Variants in FNDC5 observed in about 807,000 individuals in gnomAD.
FNDC5 encodes the protein fibronectin type III domain-containing protein 5.
In FNDC5, 10 loss-of-function variants were observed where a neutral mutation model predicts 24.6. The ratio of observed to expected loss-of-function variants is 0.41; its 90% confidence interval spans 0.25 to 0.69. The LOEUF is 0.69. FNDC5 is among the 30% of genes least tolerant of loss of function. The probability of loss-of-function intolerance (pLI) is 0.34; values close to 1 mark genes in which losing one functional copy is unlikely to be tolerated. For missense variants in FNDC5, 226 were observed against 282.9 expected (o/e 0.80, Z 1.44); for synonymous variants, 90 against 110.7 (o/e 0.81, Z 1.18).
rs1272387125 is a variant in FNDC5, at chr1:32,863,166, C to T, written c.*1128G>A. The stretch of plus-strand genomic sequence containing the variant: ...GGTCAAAGAAGATAGAGGATGCAGG[C>T]AACCAGCTCAGTCTTCGGGGGAATT... On this transcript the variant is annotated 3_prime_UTR_variant, in exon 6 of 6. Transcript: ENST00000373471. The T allele has an allele frequency of 1.3e-5, 2 of 153,910 alleles. No individual in the cohort carries two copies. Among genetic ancestry groups the T allele is most frequent in the Non-Finnish European group, 2.9e-5 (2 of 69,102 alleles). 9.5% of individuals were successfully genotyped at this position (153,910 alleles called of 1,614,324 possible). A position where few individuals can be genotyped will look rare whatever the true frequency, so the allele number is the denominator to read the frequency against.
chr1:32,868,534 A>C lies in FNDC5; in HGVS notation c.211-146T>G. 1 of 1,015,112 alleles carries C rather than the reference A, an allele frequency of 9.9e-7. No homozygotes were observed. Among genetic ancestry groups the C allele is most frequent in the Non-Finnish European group, 1.4e-6 (1 of 705,832 alleles). 62.9% of individuals were successfully genotyped at this position (1,015,112 alleles called of 1,614,324 possible). On this transcript the variant is annotated intron_variant, in intron 2 of 5. Coordinates refer to ENST00000373471, the MANE Select transcript of FNDC5 (RefSeq NM_153756.3). This position sits in a 1 kb window ranked among gnomAD's most constrained non-coding sequence, Gnocchi z 4.8. ...CAATATCTCCATTTTACAGGGAAGG[A>C]AACAGGTTCAGAGAGGTTGGGGAAG...
At position 32,868,355 on chromosome 1, in the gene FNDC5, C is replaced by G; in HGVS notation, c.244G>C (p.Glu82Gln). 6.2e-7 allele frequency: 1 copy of G among 1,614,174 alleles called. No homozygotes were observed. ...CATGAGCGGGTGGTGGTGTTCACCT[C>G]CTGGATGAAGCGCAGCATCCGCACA... The change falls in exon 3 of 6, where the codon GAG (glutamate) becomes CAG (glutamine). Residue 82 changes from glutamate (E) to glutamine (Q), a missense_variant. Glu to Gln is a conservative substitution (Grantham distance 29, BLOSUM62 2). Coordinates refer to ENST00000373471, the MANE Select transcript of FNDC5 (RefSeq NM_153756.3). The surrounding 1 kb of genome is among the most constrained non-coding windows in gnomAD (Gnocchi z 4.8).
chr1:32,864,454 T>C, intron 5 of FNDC5, 155 bp from the exon 6 acceptor site: 1 of 1,474,892 alleles, frequency 6.8e-7, no homozygotes, highest in Non-Finnish European at 9.0e-7. Flanking sequence ...TTTTTTTTTT[T>C]TCTTCAAATC....
chr1:32,869,438 G>T (rs1746661), intron 1 of FNDC5, among the ~76,000 whole-genome samples: 21,649 of 152,276 alleles, frequency 0.14, 1,925 homozygotes, highest in South Asian at 0.23. Context: ...GTGACCTTGC[G>T]CGAAGGAGAA....
chr1:32,863,719 T>G lies in FNDC5; in HGVS notation c.*575A>C. ...CAGCTGAGAAGAAAAATGGAATCCT[T>G]CTCCCTGCAGACAGGCAGTCACGCT... On this transcript the variant is annotated 3_prime_UTR_variant, in exon 6 of 6. Coordinates refer to ENST00000373471, the MANE Select transcript of FNDC5 (RefSeq NM_153756.3). 5 of 1,304,296 alleles carry G rather than the reference T, an allele frequency of 3.8e-6. No homozygotes were observed. The highest frequency in any genetic ancestry group is 5.1e-6 in the Non-Finnish European group (5 of 988,958). The allele number at this position is 1,304,296 out of a possible 1,614,324, so 80.8% of individuals were successfully genotyped here.
upstream of FNDC5, among the ~76,000 whole-genome samples, chr1:32,871,442 G>A (rs187535684): frequency 1.7e-3 from 260 of 152,336 alleles, no homozygotes; most frequent in African/African-American, 6.1e-3. Context: ...TCACTGGAGA[G>A]TCCAGCTCTG....
intron 1 of FNDC5, among the ~76,000 whole-genome samples, chr1:32,869,595 C>T (rs1641139508): frequency 6.6e-6 from 1 of 152,098 alleles, no homozygotes; most frequent in Non-Finnish European, 1.5e-5. Flanking sequence ...CTCTTCCAGC[C>T]CCAAGATGCA....
chr1:32,867,902 G>A, intron 3 of FNDC5, 60 bp from the exon 4 acceptor site: 1 of 1,534,522 alleles, frequency 6.5e-7, no homozygotes, highest in Non-Finnish European at 9.0e-7. Flanking sequence ...CTCCTCTAGG[G>A]CCAAGCCCAA....
chr1:32,871,038 T>G (rs1486802648), upstream of FNDC5: 1 of 149,032 alleles, frequency 6.7e-6, no homozygotes, highest in Non-Finnish European at 1.5e-5. Context: ...CCGCCCCCGC[T>G]GCCTATTAGG....
Position 32,867,787 on chromosome 1 carries a change from C to T in FNDC5, c.465G>A (p.Val155=), listed in dbSNP as rs1557529115. The T allele has an allele frequency of 1.2e-6, 2 of 1,614,116 alleles. No individual in the cohort carries two copies. Among genetic ancestry groups the T allele is most frequent in the Non-Finnish European group, 1.7e-6 (2 of 1,180,022 alleles). ...TGAACAGGACCACGACGATGATCAG[C>T]ACCTCGCCTGTCCGCAGCTGTTGGT... The change falls in exon 4 of 6, where the codon GTG becomes GTA. Residue 155 remains valine (V), a synonymous_variant. Coordinates refer to ENST00000373471, the MANE Select transcript of FNDC5 (RefSeq NM_153756.3).
rs1641106641 is a variant in FNDC5, at chr1:32,868,052, A to G, written c.409+138T>C. 2 of 1,135,422 alleles carry G rather than the reference A, an allele frequency of 1.8e-6. No individual in the cohort carries two copies. The highest frequency in any genetic ancestry group is 2.6e-6 in the Non-Finnish European group (2 of 778,572). 70.3% of individuals were successfully genotyped at this position (1,135,422 alleles called of 1,614,324 possible). The stretch of plus-strand genomic sequence containing the variant: ...CAGCGTCTTGTCAGGGACTAGCGTG[A>G]ACCCTCTCTCAGGTACTGCTTTACT... On this transcript the variant is annotated intron_variant, in intron 3 of 5. Coordinates refer to ENST00000373471, the MANE Select transcript of FNDC5 (RefSeq NM_153756.3). The surrounding 1 kb of genome is among the most constrained non-coding windows in gnomAD (Gnocchi z 4.8).
In FNDC5 at chr1:32,868,230, C is replaced by T. The variant is rs1413807740; in HGVS notation, c.369G>A (p.Lys123=). Residue 123 remains lysine, a synonymous_variant, in exon 3 of 6, where the codon AAG becomes AAA. Coordinates refer to ENST00000373471, the MANE Select transcript of FNDC5 (RefSeq NM_153756.3). The surrounding 1 kb of genome is among the most constrained non-coding windows in gnomAD (Gnocchi z 4.8). Reference sequence around the variant, plus strand: ...CCATCTTCTCAGCCTCACGCGGGGTCTTGAAGAGCACAGGCTCGCTGGCTG... The same window carrying T: ...CCATCTTCTCAGCCTCACGCGGGGTTTTGAAGAGCACAGGCTCGCTGGCTG... 3.1e-6 allele frequency: 5 copies of T among 1,614,190 alleles called. No homozygotes were observed. Among genetic ancestry groups the T allele is most frequent in the Non-Finnish European group, 4.2e-6 (5 of 1,180,040 alleles).
intron 4 of FNDC5, among the ~76,000 whole-genome samples, chr1:32,867,442 G>A (rs1397835595): frequency 6.6e-6 from 1 of 152,192 alleles, no homozygotes; most frequent in African/African-American, 2.4e-5. Flanking sequence ...AAAGGCTGTG[G>A]CCATGACCAG....
intron 1 of FNDC5, among the ~76,000 whole-genome samples, 184 bp downstream of exon 1, chr1:32,870,469 G>A (rs1006764344): frequency 6.6e-6 from 1 of 151,964 alleles, no homozygotes; most frequent in African/African-American, 2.4e-5. Context: ...GGGGAGATTT[G>A]GAAACTGAAG....
upstream of FNDC5, chr1:32,870,975 C>G (rs1288359337): frequency 6.7e-6 from 1 of 148,772 alleles, no homozygotes; most frequent in East Asian, 2.0e-4. Flanking sequence ...GGGGCGCCCC[C>G]GCTGCGGGGA....
chr1:32,868,909 A>C lies in FNDC5; in HGVS notation c.183T>G (p.Val61=). 1 of 1,238,808 alleles carries C rather than the reference A, an allele frequency of 8.1e-7. No homozygotes were observed. 76.7% of individuals were successfully genotyped at this position (1,238,808 alleles called of 1,614,324 possible). A position where few individuals can be genotyped will look rare whatever the true frequency, so the allele number is the denominator to read the frequency against. ...GCTGGGAGATGGCAAATCCGATGAC[A>C]ACCTCATCCTCCAGAACATCCCAGC... is the stretch of plus-strand genomic sequence containing the variant. Residue 61 remains valine, a synonymous_variant, in exon 2 of 6, where the codon GTT becomes GTG. Coordinates refer to ENST00000373471, the MANE Select transcript of FNDC5 (RefSeq NM_153756.3). This position sits in a 1 kb window ranked among gnomAD's most constrained non-coding sequence, Gnocchi z 4.8.
Position 32,864,111 on chromosome 1 carries a change from TAAG to T in FNDC5, c.*180_*182del. ...AGGTGCTTCTGGAGATGGGAGTTAA[TAAG>T]AGGCTTCAGGAAAGTGCGCCAGAGA... On this transcript the variant is annotated 3_prime_UTR_variant, in exon 6 of 6. Coordinates refer to ENST00000373471, the MANE Select transcript of FNDC5 (RefSeq NM_153756.3). 1 of 1,512,454 alleles carries T rather than the reference TAAG, an allele frequency of 6.6e-7. No individual in the cohort carries two copies. Among genetic ancestry groups the T allele is most frequent in the Non-Finnish European group, 8.8e-7 (1 of 1,131,468 alleles). The allele number at this position is 1,512,454 out of a possible 1,614,324, so 93.7% of individuals were successfully genotyped here.
intron 5 of FNDC5, 171 bp from the exon 6 acceptor site, chr1:32,864,470 TG>T: frequency 6.8e-7 from 1 of 1,474,904 alleles, no homozygotes; most frequent in Non-Finnish European, 9.0e-7. Context: ...AAATCACCAC[TG>T]GCCCCTGGCA....
chr1:32,864,886 T>C, intron 4 of FNDC5, 89 bp from the exon 5 acceptor site: 1 of 1,549,470 alleles, frequency 6.5e-7, no homozygotes, highest in Non-Finnish European at 8.7e-7. Flanking sequence ...CAATGGTCTC[T>C]CCAGATTGTA....
Sources: allele counts gnomAD v4.1 joint callset (sites outside exome capture counted in the v4.1 genomes callset), GRCh38; gene constraint gnomAD v4.1.1; non-coding constraint Gnocchi (gnomAD v3.1); transcripts MANE v1.5; gene names NCBI Gene and HGNC (gene_info 2026-07-23, HGNC 2026-07-21).